MYLK: variants seen among roughly 807,000 people sequenced by gnomAD.
MYLK encodes myosin light chain kinase.
A neutral mutation model predicts 203.4 loss-of-function variants in MYLK; 106 were observed. The ratio of observed to expected loss-of-function variants is 0.52; its 90% confidence interval spans 0.45 to 0.61. The LOEUF is 0.61. Among genes scored for constraint, MYLK ranks in the 20% least tolerant of loss-of-function variants. The pLI, the probability that MYLK is intolerant of heterozygous loss-of-function variation, is 0.00. For synonymous variants in MYLK, 867 were observed against 959.5 expected, an observed-to-expected ratio of 0.90 and a Z score of 1.78; for missense variants, 2,072 against 2,442.3, an observed-to-expected ratio of 0.85 and a Z score of 3.20.
chr3:123,630,241 G>A (rs369523325), intron 29 of MYLK, among the ~76,000 whole-genome samples: 1 of 152,238 alleles, frequency 6.6e-6, no homozygotes, highest in Admixed American at 6.5e-5. Context: ...AGAGGACAGA[G>A]TGCAGCCTCT....
chr3:123,733,153 T>G, intron 10 of MYLK, 51 bp from the exon 11 acceptor site: 2 of 1,577,214 alleles, frequency 1.3e-6, no homozygotes, highest in Non-Finnish European at 1.7e-6. Context: ...GAGAGCACCC[T>G]GTGATTGTGA....
chr3:123,660,328 CAGTT>C (rs748872528), intron 23 of MYLK, among the ~76,000 whole-genome samples: 2 of 152,210 alleles, frequency 1.3e-5, no homozygotes, highest in Non-Finnish European at 2.9e-5. Flanking sequence ...GCTCCAAACT[CAGTT>C]AGTATTTGGG....
intron 3 of MYLK, chr3:123,799,867 G>A (rs908335101): frequency 1.3e-5 from 2 of 152,370 alleles, no homozygotes; most frequent in Non-Finnish European, 2.9e-5. Context: ...GCTCTCACAT[G>A]AGTCAGGATG....
chr3:123,804,784 C>G (rs2065311585), intron 3 of MYLK, among the ~76,000 whole-genome samples: 1 of 152,146 alleles, frequency 6.6e-6, no homozygotes, highest in Non-Finnish European at 1.5e-5. Context: ...AGGGGAGGCA[C>G]CAGGTCCCAT....
intron 11 of MYLK, among the ~76,000 whole-genome samples, chr3:123,730,719 C>G (rs1374459194): frequency 6.6e-6 from 1 of 152,068 alleles, no homozygotes; most frequent in Non-Finnish European, 1.5e-5. Flanking sequence ...CCCATAGAGA[C>G]AAAAAGTATA....
chr3:123,727,478 T>C (rs1021414873), intron 11 of MYLK, among the ~76,000 whole-genome samples: 14 of 152,248 alleles, frequency 9.2e-5, no homozygotes, highest in African/African-American at 2.4e-5. Context: ...TAAAGATCAG[T>C]ATTCTTATCT....
chr3:123,666,828 G>GA, intron 21 of MYLK: 1 of 576,464 alleles, frequency 1.7e-6, no homozygotes, highest in Admixed American at 3.0e-5. Context: ...GGGTAGGGCA[G>GA]AGGATGGACA....
chr3:123,752,414 T>A lies in MYLK; in HGVS notation c.290A>T (p.His97Leu). 1.2e-6 allele frequency: 2 copies of A among 1,614,174 alleles called. No homozygotes were observed. Among genetic ancestry groups the A allele is most frequent in the Non-Finnish European group, 1.7e-6 (2 of 1,180,008 alleles). ...GTFSLVIHAV[H>L]EEDRGKYTCE... ...GGTATACTTTCCCCTGTCCTCCTCA[T>A]GGACAGCATGAATCACAAGGCTGAA... The change falls in exon 5 of 34, where the codon CAT becomes CTT. Residue 97 changes from histidine to leucine, a missense_variant. Physicochemically the swap from His to Leu is moderately conservative, Grantham distance 99. Around this residue, in one of 3 missense-constraint regions of MYLK, gnomAD observed 683 missense variants for 643.8 expected, o/e 1.06. Transcript: ENST00000360304.
At chr3:123,855,457 T>C (rs1383284848) in intron 2 of MYLK, among the ~76,000 whole-genome samples, 2 of 152,056 alleles carry the variant, frequency 1.3e-5, no homozygotes, top group Non-Finnish European at 2.9e-5. Flanking sequence ...ATCTCATTGT[T>C]TATTATTTTT....
intron 4 of MYLK, among the ~76,000 whole-genome samples, chr3:123,753,555 T>C (rs111540096): frequency 2.0e-5 from 3 of 151,156 alleles, no homozygotes; most frequent in Non-Finnish European, 2.9e-5. Flanking sequence ...CTGAGTTTCA[T>C]AGCAACCCAG....
At chr3:123,796,449 T>C (rs910746132) in intron 3 of MYLK, among the ~76,000 whole-genome samples, 6 of 152,108 alleles carry the variant, frequency 3.9e-5, no homozygotes, top group Non-Finnish European at 7.4e-5. Flanking sequence ...AAAGTTGGGA[T>C]AACAAGGGGA....
At chr3:123,684,764 G>C (rs769538788) in intron 19 of MYLK, among the ~76,000 whole-genome samples, 2 of 152,192 alleles carry the variant, frequency 1.3e-5, no homozygotes, top group African/African-American at 4.8e-5. Context: ...TTGAATTCCT[G>C]GCCTCAGGTG....
intron 4 of MYLK, among the ~76,000 whole-genome samples, chr3:123,759,014 G>T (rs1683845239): frequency 6.6e-6 from 1 of 152,042 alleles, no homozygotes; most frequent in Non-Finnish European, 1.5e-5. Flanking sequence ...TTGTAGAAAT[G>T]GGGTCTTTCC....
rs191545523 is a variant in MYLK at position 123,767,467 on chromosome 3, C to G, written c.166-14929G>C. ...ACTAAAAATTCAAAAATTAGCCAAGCATGGTGGCTTGCACCTGTAATCCCA... is the reference window on the plus strand; with the variant it reads ...ACTAAAAATTCAAAAATTAGCCAAGGATGGTGGCTTGCACCTGTAATCCCA... On this transcript the variant is annotated intron_variant, in intron 4 of 33. Transcript: ENST00000360304. Among the ~76,000 whole-genome samples, 203 of 152,266 alleles carry G rather than the reference C, an allele frequency of 1.3e-3. 4 individuals carry two copies. The highest frequency in any genetic ancestry group is 2.5e-4 in the Non-Finnish European group (17 of 68,012).
In MYLK at chr3:123,751,363, A is replaced by G. The variant is rs112935738; in HGVS notation, c.373+968T>C. ...GTCCAATTTTTCTCCTAGAAGTTTT[A>G]AAGTTAACAGAATTTTTTAAAGTAC... On this transcript the variant is annotated intron_variant, in intron 5 of 33. Transcript: ENST00000360304. Among the ~76,000 whole-genome samples the G allele has an allele frequency of 5.5e-3, 837 of 152,358 alleles. 10 individuals carry two copies. Among genetic ancestry groups the G allele is most frequent in the African/African-American group, 0.019 (797 of 41,580 alleles).
intron 14 of MYLK, chr3:123,709,449 G>A: frequency 2.6e-6 from 1 of 384,196 alleles, no homozygotes; most frequent in East Asian, 6.2e-5. Context: ...CCATAATCTG[G>A]TTTTGTACCA....
chr3:123,709,486 G>A, intron 14 of MYLK: 1 of 446,996 alleles, frequency 2.2e-6, no homozygotes, highest in South Asian at 2.1e-5. Context: ...AGCTACACTG[G>A]CCACACTATA....
intron 16 of MYLK, among the ~76,000 whole-genome samples, chr3:123,704,158 T>A (rs569467144): frequency 2.6e-5 from 4 of 152,352 alleles, no homozygotes; most frequent in Admixed American, 1.3e-4. Flanking sequence ...GTGGAGGACT[T>A]GGGATACAAA....
intron 2 of MYLK, among the ~76,000 whole-genome samples, chr3:123,867,926 A>G (rs1242936453): frequency 6.6e-6 from 1 of 152,182 alleles, no homozygotes; most frequent in Non-Finnish European, 1.5e-5. Context: ...ACTCCCACAG[A>G]GCCCTACAGA....
Sources: gnomAD v4.1 joint callset for allele counts (sites outside exome capture counted in the v4.1 genomes callset) on GRCh38, gnomAD v4.1.1 for gene constraint, gnomAD v4.1.1 regional missense constraint, MANE v1.5 for transcripts, NCBI Gene and HGNC (gene_info 2026-07-23, HGNC 2026-07-21) for gene names.